STX8: variants seen among roughly 807,000 people sequenced by gnomAD.
STX8 encodes the protein syntaxin 8.
Under a neutral mutation model 37.5 loss-of-function variants are expected in STX8, and 23 were observed. The ratio of observed to expected loss-of-function variants is 0.61; its 90% confidence interval spans 0.44 to 0.87. STX8 has a LOEUF of 0.87. STX8 is among the 40% of genes least tolerant of loss of function. The pLI is 0.00. For missense variants in STX8, 313 were observed against 284.7 expected, an observed-to-expected ratio of 1.10 and a Z score of -0.71; for synonymous variants, 115 against 99.1, an observed-to-expected ratio of 1.16 and a Z score of -0.95.
intron 6 of STX8, among the ~76,000 whole-genome samples, chr17:9,482,284 T>C (rs1906382651): frequency 6.6e-6 from 1 of 152,200 alleles, no homozygotes; most frequent in African/African-American, 2.4e-5. Flanking sequence ...TCATCTGTAC[T>C]ATTTTTCTGG....
intron 3 of STX8, among the ~76,000 whole-genome samples, chr17:9,549,002 C>A (rs1906657771): frequency 6.6e-6 from 1 of 152,116 alleles, no homozygotes; most frequent in Admixed American, 6.6e-5. Context: ...ACACAAGCTT[C>A]AGAACCATAT....
chr17:9,501,317 A>AT (rs1250573728), intron 5 of STX8, among the ~76,000 whole-genome samples: 1 of 152,258 alleles, frequency 6.6e-6, no homozygotes, highest in Non-Finnish European at 1.5e-5. Flanking sequence ...ATGACCCATC[A>AT]TAAAGGTAAA....
chr17:9,297,362 C>T (rs2142172251), intron 7 of STX8, among the ~76,000 whole-genome samples: 1 of 152,270 alleles, frequency 6.6e-6, no homozygotes, highest in Non-Finnish European at 1.5e-5. Flanking sequence ...ACCCTTCCTG[C>T]CACTCCCACT....
At chr17:9,464,731 T>G (rs1307224898) in intron 6 of STX8, 2 of 151,356 alleles carry the variant, frequency 1.3e-5, no homozygotes, top group African/African-American at 4.9e-5. Context: ...TGTTTTTTTT[T>G]TTTTTTTTTG....
chr17:9,276,925 T>C (rs1907698144), intron 7 of STX8, among the ~76,000 whole-genome samples: 1 of 151,894 alleles, frequency 6.6e-6, no homozygotes, highest in Admixed American at 6.6e-5. Flanking sequence ...TGTGAGCCAC[T>C]GCACTCAGCC....
chr17:9,552,819 ATT>A (rs1906823069), intron 3 of STX8: 1 of 151,282 alleles, frequency 6.6e-6, no homozygotes, highest in South Asian at 2.1e-4. Flanking sequence ...CGCCCGGCTA[ATT>A]TTTTTTGTAT....
chr17:9,348,700 C>T (rs977013487), intron 7 of STX8, among the ~76,000 whole-genome samples: 5 of 152,136 alleles, frequency 3.3e-5, no homozygotes, highest in African/African-American at 7.2e-5. Flanking sequence ...GATAAACATC[C>T]GAACAATTTC....
chr17:9,407,848 T>C (rs1029096354), intron 6 of STX8, among the ~76,000 whole-genome samples: 1 of 152,282 alleles, frequency 6.6e-6, no homozygotes, highest in African/African-American at 2.4e-5. Context: ...GTAGCTGCCC[T>C]TAGAGACAAG....
chr17:9,371,759 C>A (rs1911408489), intron 7 of STX8, among the ~76,000 whole-genome samples: 1 of 151,806 alleles, frequency 6.6e-6, no homozygotes, highest in Admixed American at 6.6e-5. Context: ...TATCTGGTCC[C>A]TTTTCAAAAT....
At chr17:9,488,456 G>A (rs926913338) in intron 6 of STX8, among the ~76,000 whole-genome samples, 5 of 152,152 alleles carry the variant, frequency 3.3e-5, no homozygotes, top group African/African-American at 1.2e-4. Flanking sequence ...ATGGAATATG[G>A]GTTGCTCATC....
intron 6 of STX8, among the ~76,000 whole-genome samples, chr17:9,456,728 A>G (rs1309549785): frequency 6.6e-6 from 1 of 152,182 alleles, no homozygotes; most frequent in Non-Finnish European, 1.5e-5. Flanking sequence ...TTGAAAGTGC[A>G]CCTGCTGAAG....
chr17:9,372,584 T>C (rs902993225), intron 7 of STX8, among the ~76,000 whole-genome samples: 1 of 151,938 alleles, frequency 6.6e-6, no homozygotes, highest in African/African-American at 2.4e-5. Flanking sequence ...TTCAAGCGAT[T>C]CTCCTGCCTC....
intron 4 of STX8, 125 bp from the exon 5 acceptor site, chr17:9,505,287 G>C: frequency 9.2e-7 from 1 of 1,091,570 alleles, no homozygotes; most frequent in Non-Finnish European, 1.3e-6. Flanking sequence ...ACAATTTATT[G>C]CATCATTAGT....
At position 9,504,740 on chromosome 17, in the gene STX8, C is replaced by G. The variant is rs1243603134; in HGVS notation, c.448+298G>C. On this transcript the variant is annotated intron_variant, in intron 5 of 7. Transcript: ENST00000306357. The stretch of plus-strand genomic sequence containing the variant: ...CTGTAATCCCAGCACTTTGGGAGGC[C>G]AAGGTGGGAAGATCATGAGGTCAGG... 2.6e-5 allele frequency among the ~76,000 whole-genome samples: 4 copies of G among 151,872 alleles called. No homozygotes were observed. In the East Asian group the frequency reaches 7.7e-4, roughly 29 times the overall value.
intron 7 of STX8, among the ~76,000 whole-genome samples, chr17:9,325,983 G>A (rs957912558): frequency 6.6e-6 from 1 of 152,200 alleles, no homozygotes; most frequent in African/African-American, 2.4e-5. Context: ...TATGGTCTCT[G>A]GTGTCCAGCG....
At chr17:9,479,264 TG>T (rs1354461993) in intron 6 of STX8, among the ~76,000 whole-genome samples, 2 of 152,120 alleles carry the variant, frequency 1.3e-5, no homozygotes, top group African/African-American at 4.8e-5. Flanking sequence ...CCAGGCGCGG[TG>T]GCTCACTCCT....
intron 7 of STX8, among the ~76,000 whole-genome samples, chr17:9,292,010 G>A (rs1908327553): frequency 6.6e-6 from 1 of 152,212 alleles, no homozygotes; most frequent in African/African-American, 2.4e-5. Flanking sequence ...AGGAGAAGTG[G>A]GATTTTCTCC....
intron 6 of STX8, among the ~76,000 whole-genome samples, chr17:9,485,575 G>GT (rs1268211490): frequency 1.4e-5 from 2 of 138,646 alleles, no homozygotes; most frequent in Admixed American, 7.9e-5. Context: ...CTTTGTTTTT[G>GT]TTTTTTTGTT....
chr17:9,542,435 T>C (rs1254495354), intron 4 of STX8, among the ~76,000 whole-genome samples: 1 of 151,952 alleles, frequency 6.6e-6, no homozygotes, highest in African/African-American at 2.4e-5. Context: ...CCCAGCACTT[T>C]GGGAGGCCGA....
Sources: gnomAD v4.1 joint callset for allele counts (sites outside exome capture counted in the v4.1 genomes callset) on GRCh38, gnomAD v4.1.1 for gene constraint, MANE v1.5 for transcripts, NCBI Gene and HGNC (gene_info 2026-07-23, HGNC 2026-07-21) for gene names.